Variants in ANKRD44 observed in about 807,000 individuals in gnomAD.
ANKRD44 encodes the protein ankyrin repeat domain 44.
Under a neutral mutation model 116.0 loss-of-function variants are expected in ANKRD44, and 35 were observed. The ratio of observed to expected loss-of-function variants is 0.30; its 90% CI spans 0.23 to 0.40. The LOEUF is 0.40. Among genes scored for constraint, ANKRD44 ranks in the 10% least tolerant of loss-of-function variants. The pLI is 1.00. For synonymous variants in ANKRD44, 435 were observed against 461.8 expected (o/e 0.94, Z 0.74); for missense variants, 1,014 against 1,242.6 (o/e 0.82, Z 2.77).
intron 15 of ANKRD44, among the ~76,000 whole-genome samples, chr2:197,080,464 GC>G (rs369493805): frequency 2.0e-5 from 3 of 152,100 alleles, no homozygotes; most frequent in Admixed American, 1.3e-4. Context: ...GGTTCCCCCT[GC>G]CCCCCTACCT....
At chr2:197,168,706 C>A (rs928599204) in intron 2 of ANKRD44, among the ~76,000 whole-genome samples, 3 of 152,154 alleles carry the variant, frequency 2.0e-5, no homozygotes, top group Non-Finnish European at 2.9e-5. Flanking sequence ...TCTTCCTTGC[C>A]CCTCACATTG....
intron 2 of ANKRD44, among the ~76,000 whole-genome samples, chr2:197,155,326 T>A (rs1284439300): frequency 6.6e-6 from 1 of 152,208 alleles, no homozygotes; most frequent in Non-Finnish European, 1.5e-5. Context: ...CAAAACCAGA[T>A]CTGATTCCAT....
intron 2 of ANKRD44, among the ~76,000 whole-genome samples, chr2:197,153,929 T>A (rs556401653): frequency 2.0e-5 from 3 of 152,124 alleles, no homozygotes; most frequent in East Asian, 3.9e-4. Flanking sequence ...TTCAAACCAC[T>A]ATTAAAAATG....
chr2:197,142,134 G>A (rs553874811), intron 3 of ANKRD44, among the ~76,000 whole-genome samples: 19 of 152,272 alleles, frequency 1.2e-4, no homozygotes, highest in Non-Finnish European at 1.8e-4. Flanking sequence ...ACAAACTAAG[G>A]ATGTTCTTCA....
chr2:197,256,284 A>G (rs1207149269), intron 1 of ANKRD44, among the ~76,000 whole-genome samples: 2 of 152,246 alleles, frequency 1.3e-5, no homozygotes, highest in African/African-American at 4.8e-5. Context: ...ACTTGACAAC[A>G]GTTAAAACTA....
intron 2 of ANKRD44, among the ~76,000 whole-genome samples, chr2:197,150,432 C>T (rs1684407034): frequency 6.6e-6 from 1 of 152,020 alleles, no homozygotes; most frequent in Non-Finnish European, 1.5e-5. Context: ...GCCTGTAGTC[C>T]CAGCTACTTG....
chr2:197,072,964 C>T (rs2077592437), intron 16 of ANKRD44, among the ~76,000 whole-genome samples: 2 of 152,192 alleles, frequency 1.3e-5, no homozygotes, highest in African/African-American at 4.8e-5. Flanking sequence ...TGTCAGCAAT[C>T]AATACATCTG....
At chr2:197,254,598 T>TACACACACAC (rs3057783) in intron 1 of ANKRD44, among the ~76,000 whole-genome samples, 156 of 148,260 alleles carry the variant, frequency 1.1e-3, no homozygotes, top group Middle Eastern at 6.8e-3. Flanking sequence ...CATACATGCA[T>TACACACACAC]ACACACACAC....
At chr2:197,125,690 T>C (rs2078959070) in intron 5 of ANKRD44, 147 bp downstream of exon 5, 4 of 1,007,614 alleles carry the variant, frequency 4.0e-6, no homozygotes, top group East Asian at 2.5e-5. Context: ...ATTGTGGCTC[T>C]AAAGTTGAGA....
rs868812046 is a variant in ANKRD44, at chr2:197,055,940, A to G, written c.1650+22763T>C. Among the ~76,000 whole-genome samples, 15 of 152,282 alleles carry G rather than the reference A, an allele frequency of 9.9e-5. No homozygotes were observed. The South Asian group carries it at 3.1e-3, about 32-fold the overall frequency. ...GGGTCTTGCTATGTCACCAGGCTGG[A>G]GTACAGGAGTGCTATCATAGCTCAC... On this transcript the variant is annotated intron_variant, in intron 16 of 27. Coordinates refer to ENST00000282272, the MANE Select transcript of ANKRD44 (RefSeq NM_001195144.2).
chr2:197,158,134 C>A (rs183156264), intron 2 of ANKRD44, among the ~76,000 whole-genome samples: 1 of 152,172 alleles, frequency 6.6e-6, no homozygotes, highest in South Asian at 2.1e-4. Flanking sequence ...ATACAACCAC[C>A]CACTGCCAAG....
In ANKRD44 at chr2:197,078,326, C is replaced by CACAT. The variant is rs541823287; in HGVS notation, c.1650+376_1650+377insATGT. The CACAT allele has an allele frequency of 9.7e-3, 2,816 of 291,742 alleles. 170 individuals are homozygous for CACAT. The highest frequency in any genetic ancestry group is 0.056 in the African/African-American group (2,512 of 44,900). The allele number at this position is 291,742 out of a possible 1,614,324, so 18.1% of individuals were successfully genotyped here. On this transcript the variant is annotated intron_variant, in intron 16 of 27. Coordinates refer to ENST00000282272, the MANE Select transcript of ANKRD44 (RefSeq NM_001195144.2). ...ACACACACACACACACACACACACA[C>CACAT]GCATACACATTTTGTGAGGAGCATT...
intron 1 of ANKRD44, among the ~76,000 whole-genome samples, chr2:197,218,903 G>T (rs1225296390): frequency 6.6e-6 from 1 of 150,818 alleles, no homozygotes; most frequent in Non-Finnish European, 1.5e-5. Context: ...GGTATTACAG[G>T]CACCCACCAC....
intron 9 of ANKRD44, among the ~76,000 whole-genome samples, chr2:197,105,777 T>C (rs1312452763): frequency 6.6e-6 from 1 of 152,158 alleles, no homozygotes; most frequent in African/African-American, 2.4e-5. Context: ...GGCAGCCACC[T>C]CGTCCCCACA....
At chr2:197,215,329 A>G (rs942907517) in intron 1 of ANKRD44, among the ~76,000 whole-genome samples, 10 of 152,214 alleles carry the variant, frequency 6.6e-5, no homozygotes, top group African/African-American at 2.4e-4. Flanking sequence ...TTTCAACTGA[A>G]GATTTTTCTT....
chr2:197,215,472 G>C (rs888564760), intron 1 of ANKRD44, among the ~76,000 whole-genome samples: 1 of 152,140 alleles, frequency 6.6e-6, no homozygotes, highest in African/African-American at 2.4e-5. Flanking sequence ...TTTGAAGTGG[G>C]AGAGTGTGAG....
chr2:197,210,834 C>T (rs2081308089), intron 1 of ANKRD44, among the ~76,000 whole-genome samples: 2 of 152,128 alleles, frequency 1.3e-5, no homozygotes, highest in Admixed American at 1.3e-4. Flanking sequence ...GCTGGAGAGG[C>T]AAATGTCCTC....
At chr2:197,200,548 CACACTA>C in intron 1 of ANKRD44, among the ~76,000 whole-genome samples, 1 of 152,166 alleles carries the variant, frequency 6.6e-6, no homozygotes, top group Middle Eastern at 3.2e-3. Context: ...TGCAGAACAT[CACACTA>C]ACACTAATTT....
chr2:197,305,172 CATG>C (rs2084030801), intron 1 of ANKRD44, among the ~76,000 whole-genome samples: 1 of 151,614 alleles, frequency 6.6e-6, no homozygotes, highest in Non-Finnish European at 1.5e-5. Flanking sequence ...TTGTTTCATA[CATG>C]ATGTGTCAGG....
Sources: allele counts gnomAD v4.1 joint callset (sites outside exome capture counted in the v4.1 genomes callset), GRCh38; gene constraint gnomAD v4.1.1; transcripts MANE v1.5; gene names NCBI Gene and HGNC (gene_info 2026-07-23, HGNC 2026-07-21).